The following SLC47A1 variants were observed in gnomAD, a reference collection of about 807,000 sequenced individuals.
SLC47A1 encodes the protein multidrug and toxin extrusion protein 1.
A neutral mutation model predicts 65.8 loss-of-function variants in SLC47A1; 58 were observed. The ratio of observed to expected loss-of-function variants is 0.88; its 90% CI spans 0.71 to 1.10. The LOEUF (loss-of-function observed/expected upper bound fraction) is 1.10. Among genes scored for constraint, SLC47A1 ranks in the 50% least tolerant of loss-of-function variants. The probability of loss-of-function intolerance (pLI) is 0.00; values close to 1 mark genes in which losing one functional copy is unlikely to be tolerated. For synonymous variants in SLC47A1, 285 were observed against 295.0 expected (o/e 0.97, Z 0.35); for missense variants, 706 against 719.2 (o/e 0.98, Z 0.21).
At chr17:19,560,601 T>C in intron 12 of SLC47A1, 108 bp downstream of exon 12, 1 of 1,133,308 alleles carries the variant, frequency 8.8e-7, no homozygotes, top group Non-Finnish European at 1.3e-6. Flanking sequence ...CTGTTTGAAA[T>C]CATATCAGTA....
chr17:19,547,901 G>C (rs562101770), intron 3 of SLC47A1, 84 bp from the exon 4 acceptor site: 60 of 1,447,064 alleles, frequency 4.1e-5, no homozygotes, highest in South Asian at 1.0e-4. Context: ...CTGCTTCTTT[G>C]TGTGGCACAA....
intron 16 of SLC47A1, among the ~76,000 whole-genome samples, chr17:19,576,329 G>T (rs2084439169): frequency 6.8e-6 from 1 of 146,400 alleles, no homozygotes; most frequent in African/African-American, 2.5e-5. Context: ...TCTGTGAATA[G>T]CCTTGTATTC....
At chr17:19,557,397 G>T in intron 10 of SLC47A1, 1 of 265,424 alleles carries the variant, frequency 3.8e-6, no homozygotes, top group Non-Finnish European at 7.8e-6. Context: ...ATGCTTAATG[G>T]TATATAGGAT....
At chr17:19,534,537 A>G (rs1216369276) in intron 1 of SLC47A1, 1 of 153,422 alleles carries the variant, frequency 6.5e-6, no homozygotes, top group Non-Finnish European at 1.5e-5. Context: ...GTAGCGGTCA[A>G]AAGTTCGGGA....
At chr17:19,560,890 A>G (rs558084136) in intron 12 of SLC47A1, among the ~76,000 whole-genome samples, 62 of 151,462 alleles carry the variant, frequency 4.1e-4, no homozygotes, top group African/African-American at 1.5e-3. Flanking sequence ...AAAAAAAAAA[A>G]AAAAAGAAAG....
intron 12 of SLC47A1, among the ~76,000 whole-genome samples, chr17:19,566,396 A>T (rs1252211618): frequency 6.6e-6 from 1 of 152,128 alleles, no homozygotes; most frequent in African/African-American, 2.4e-5. Context: ...TGCTGGCCTC[A>T]ATGCATGTGC....
At chr17:19,576,593 C>G (rs1349253488) in intron 16 of SLC47A1, among the ~76,000 whole-genome samples, 1 of 151,968 alleles carries the variant, frequency 6.6e-6, no homozygotes, top group South Asian at 2.1e-4. Flanking sequence ...GGGATTCTCC[C>G]ACCTCAGCAT....
chr17:19,560,826 C>T (rs1281696584), intron 12 of SLC47A1, among the ~76,000 whole-genome samples: 5 of 150,702 alleles, frequency 3.3e-5, no homozygotes, highest in African/African-American at 1.2e-4. Flanking sequence ...TTGCAGTGAG[C>T]CGAGATTGTG....
intron 5 of SLC47A1, among the ~76,000 whole-genome samples, chr17:19,550,860 GTCT>G (rs776181154): frequency 3.3e-5 from 5 of 152,068 alleles, no homozygotes; most frequent in Non-Finnish European, 7.4e-5. Context: ...GGTATCCCCT[GTCT>G]TCTTATGAGG....
intron 5 of SLC47A1, 35 bp downstream of exon 5, chr17:19,549,712 G>A (rs1415820072): frequency 1.2e-6 from 2 of 1,611,004 alleles, no homozygotes; most frequent in African/African-American, 1.3e-5. Flanking sequence ...TCCCTTCTTG[G>A]GGTCCGTGGG....
Position 19,577,360 on chromosome 17 carries a change from A to T in SLC47A1, c.1520A>T (p.Asn507Ile). ...GAAAACCTTGAAGGAATTTTAACGAACGATGTTGGAAAGACAGGCGAGCCT... is the reference window on the plus strand; with the variant it reads ...GAAAACCTTGAAGGAATTTTAACGATCGATGTTGGAAAGACAGGCGAGCCT... ...CPENLEGILT[N>I]DVGKTGEPQS... The change falls in exon 17 of 17, where the codon AAC (asparagine) becomes ATC (isoleucine). Residue 507 changes from asparagine to isoleucine, a missense_variant. Coordinates refer to ENST00000270570, the MANE Select transcript of SLC47A1 (RefSeq NM_018242.3). 6.2e-7 allele frequency: 1 copy of T among 1,614,156 alleles called. No individual in the cohort carries two copies. Among genetic ancestry groups the T allele is most frequent in the Non-Finnish European group, 8.5e-7 (1 of 1,180,022 alleles).
At chr17:19,560,878 TAAAA>T (rs773197178) in intron 12 of SLC47A1, among the ~76,000 whole-genome samples, 3 of 116,148 alleles carry the variant, frequency 2.6e-5, no homozygotes, top group Non-Finnish European at 1.8e-5. Context: ...GACTCCGTCT[TAAAA>T]AAAAAAAAAA....
chr17:19,538,966 G>T (rs994423061), intron 1 of SLC47A1, among the ~76,000 whole-genome samples: 1 of 152,192 alleles, frequency 6.6e-6, no homozygotes, highest in Non-Finnish European at 1.5e-5. Context: ...GCAGGGTCTC[G>T]CTGTGTCACC....
chr17:19,550,085 G>A (rs1183281436), intron 5 of SLC47A1, among the ~76,000 whole-genome samples: 1 of 152,190 alleles, frequency 6.6e-6, no homozygotes, highest in Admixed American at 6.5e-5. Flanking sequence ...AGCAGTGTGT[G>A]GCCAATGAAC....
chr17:19,567,117 A>T lies in SLC47A1; in HGVS notation c.1198A>T (p.Arg400Trp). ...GCAGTGCACGAGTGGTGGTGTTCTG[A>T]GGGGGAGTGGAAATCAGAAGGTTGG... is the stretch of plus-strand genomic sequence containing the variant. ...ALACTSGGVL[R>W]GSGNQKVGAI... is the part of the protein sequence containing the mutation. The change falls in exon 14 of 17, where the codon AGG becomes TGG. Residue 400 changes from arginine to tryptophan, a missense_variant. Arg to Trp is a moderately radical substitution (Grantham distance 101). Coordinates refer to ENST00000270570, the MANE Select transcript of SLC47A1 (RefSeq NM_018242.3). The T allele has an allele frequency of 6.2e-7, 1 of 1,614,066 alleles. No homozygotes were observed. Among genetic ancestry groups the T allele is most frequent in the Non-Finnish European group, 8.5e-7 (1 of 1,180,000 alleles).
Position 19,577,291 on chromosome 17 carries a change from TC to T in SLC47A1, c.1487-33del, listed in dbSNP as rs765455684. ...CCCTTTATAAAAATGAAAAAAAAAA[TC>T]CCTTTTAAGCTGCTAAGTTCCTTTT... is the stretch of plus-strand genomic sequence containing the variant. On this transcript the variant is annotated intron_variant, in intron 16 of 16. Coordinates refer to ENST00000270570, the MANE Select transcript of SLC47A1 (RefSeq NM_018242.3). The T allele has an allele frequency of 4.5e-5, 72 of 1,584,606 alleles. 2 individuals carry two copies. In the South Asian group the frequency reaches 8.3e-4, roughly 18 times the overall value.
chr17:19,534,347 G>A (rs1178489993), intron 1 of SLC47A1: 5 of 389,006 alleles, frequency 1.3e-5, no homozygotes, highest in South Asian at 5.2e-5. Context: ...CGGAGAGGCC[G>A]GCGGCTCCAG....
At chr17:19,562,584 A>G (rs569838113) in intron 12 of SLC47A1, among the ~76,000 whole-genome samples, 4 of 151,842 alleles carry the variant, frequency 2.6e-5, no homozygotes, top group South Asian at 2.1e-4. Flanking sequence ...AAAAAAGTTT[A>G]TAACTCCCTC....
In SLC47A1 at chr17:19,577,348, GA is replaced by G. The variant is rs771266910; in HGVS notation, c.1510del (p.Ile504PhefsTer2). On this transcript the variant is annotated frameshift_variant, in exon 17 of 17. Transcript: ENST00000270570. LOFTEE classifies it low-confidence loss of function (END_TRUNC). ...LHPGCPENLE[G>X]ILTNDVGKTG... The stretch of plus-strand genomic sequence containing the variant: ...CCAGGGTGCCCTGAAAACCTTGAAG[GA>G]ATTTTAACGAACGATGTTGGAAAGA... 3.2e-5 allele frequency: 52 copies of G among 1,613,992 alleles called. No individual in the cohort carries two copies. Among genetic ancestry groups the G allele is most frequent in the African/African-American group, 5.3e-5 (4 of 74,890 alleles).
Sources: gnomAD v4.1 joint callset for allele counts (sites outside exome capture counted in the v4.1 genomes callset) on GRCh38, gnomAD v4.1.1 for gene constraint, MANE v1.5 for transcripts, NCBI Gene and HGNC (gene_info 2026-07-23, HGNC 2026-07-21) for gene names.